Variants in ARHGAP15 observed in about 807,000 individuals in gnomAD.
ARHGAP15 encodes the protein Rho GTPase activating protein 15, also known as rho GTPase-activating protein 15.
Under a neutral mutation model 63.7 loss-of-function variants are expected in ARHGAP15, and 51 were observed. The ratio of observed to expected loss-of-function variants is 0.80; its 90% CI spans 0.64 to 1.01. The LOEUF (loss-of-function observed/expected upper bound fraction) is 1.01. Ranked by LOEUF, ARHGAP15 falls within the 50% of genes least tolerant of loss-of-function variation. ARHGAP15 has a pLI of 0.00. For missense variants in ARHGAP15, 560 were observed against 564.6 expected (o/e 0.99, Z 0.08); for synonymous variants, 191 against 193.8 (o/e 0.99, Z 0.12).
intron 6 of ARHGAP15, among the ~76,000 whole-genome samples, chr2:143,413,971 G>GCGCGCGCGCT (rs147891307): frequency 2.7e-5 from 4 of 147,640 alleles, no homozygotes; most frequent in Non-Finnish European, 6.0e-5. Context: ...GTGTGTGCGC[G>GCGCGCGCGCT]CTCTCTGGCA....
chr2:143,177,990 T>A (rs990395562), intron 2 of ARHGAP15, among the ~76,000 whole-genome samples: 3 of 152,232 alleles, frequency 2.0e-5, no homozygotes, highest in Non-Finnish European at 4.4e-5. Context: ...AGCTAAATGT[T>A]GATAGTTGTA....
intron 13 of ARHGAP15, among the ~76,000 whole-genome samples, chr2:143,721,061 C>CAAAAAAA (rs60500194): frequency 0.064 from 4,999 of 78,082 alleles, 588 homozygotes; most frequent in East Asian, 0.25. Context: ...GACTCCGTCT[C>CAAAAAAA]AAAAAAAAAA....
At chr2:143,138,200 G>A (rs1269867500) in intron 1 of ARHGAP15, among the ~76,000 whole-genome samples, 3 of 150,748 alleles carry the variant, frequency 2.0e-5, no homozygotes, top group African/African-American at 7.3e-5. Flanking sequence ...AATTTTGCAT[G>A]CATAATTGCA....
intron 13 of ARHGAP15, chr2:143,766,667 G>A (rs540078289): frequency 4.6e-5 from 7 of 152,240 alleles, no homozygotes; most frequent in Admixed American, 3.3e-4. Context: ...TTGCTGTTGT[G>A]CCTCAGACTG....
At chr2:143,291,075 G>A (rs1296032827) in intron 6 of ARHGAP15, among the ~76,000 whole-genome samples, 1 of 152,102 alleles carries the variant, frequency 6.6e-6, no homozygotes, top group Non-Finnish European at 1.5e-5. Context: ...ACAACAGAAT[G>A]CCCTAAGTAT....
At chr2:143,469,190 C>T (rs999471587) in intron 8 of ARHGAP15, among the ~76,000 whole-genome samples, 6 of 151,904 alleles carry the variant, frequency 3.9e-5, no homozygotes, top group Non-Finnish European at 8.8e-5. Context: ...TGTAGTCGAC[C>T]CATTCACACC....
At chr2:143,705,545 C>T (rs1684290938) in intron 13 of ARHGAP15, among the ~76,000 whole-genome samples, 1 of 152,162 alleles carries the variant, frequency 6.6e-6, no homozygotes, top group African/African-American at 2.4e-5. Flanking sequence ...TAATTCTTTT[C>T]CCTTAGGATC....
chr2:143,282,445 C>A (rs560466755), intron 6 of ARHGAP15, among the ~76,000 whole-genome samples: 7 of 152,204 alleles, frequency 4.6e-5, no homozygotes, highest in Admixed American at 4.6e-4. Context: ...CAAGTCACAT[C>A]TTACATGGGT....
intron 11 of ARHGAP15, among the ~76,000 whole-genome samples, chr2:143,574,490 A>G (rs1696589900): frequency 6.6e-6 from 1 of 151,892 alleles, no homozygotes; most frequent in Non-Finnish European, 1.5e-5. Flanking sequence ...AATAATAATA[A>G]AATTAAAAAA....
At chr2:143,405,318 C>A (rs1276924834) in intron 6 of ARHGAP15, among the ~76,000 whole-genome samples, 1 of 150,768 alleles carries the variant, frequency 6.6e-6, no homozygotes, top group Non-Finnish European at 1.5e-5. Flanking sequence ...TGTATCGTGG[C>A]CTTAATCAAA....
Position 143,612,775 on chromosome 2 carries a change from A to G in ARHGAP15, c.1004-11358A>G, listed in dbSNP as rs1006425253. On this transcript the variant is annotated intron_variant, in intron 11 of 13. Coordinates refer to ENST00000295095, the MANE Select transcript of ARHGAP15 (RefSeq NM_018460.4). ...GGAGCCAGATTGCCTGGACTCCGCT[A>G]CTAAATACCTGAGTGAACCTGAACA... Among the ~76,000 whole-genome samples, 4 of 152,336 alleles carry G rather than the reference A, an allele frequency of 2.6e-5. No individual in the cohort carries two copies. In the East Asian group the frequency reaches 7.7e-4, roughly 29 times the overall value.
chr2:143,276,881 G>T (rs994991663), intron 6 of ARHGAP15, among the ~76,000 whole-genome samples: 8 of 152,132 alleles, frequency 5.3e-5, no homozygotes, highest in Non-Finnish European at 8.8e-5. Flanking sequence ...TTCTTTGTTT[G>T]GTTTAATTTT....
intron 12 of ARHGAP15, among the ~76,000 whole-genome samples, chr2:143,658,642 T>G (rs567831164): frequency 2.0e-5 from 3 of 152,214 alleles, no homozygotes; most frequent in African/African-American, 7.2e-5. Flanking sequence ...AGGCCCATTT[T>G]TTTTTCTGCT....
intron 6 of ARHGAP15, among the ~76,000 whole-genome samples, chr2:143,328,152 A>T (rs1057501804): frequency 1.3e-5 from 2 of 152,242 alleles, no homozygotes; most frequent in African/African-American, 4.8e-5. Flanking sequence ...GTGGGAGTGT[A>T]AACTAGTTCA....
intron 8 of ARHGAP15, among the ~76,000 whole-genome samples, chr2:143,478,552 A>T (rs1306701854): frequency 6.6e-6 from 1 of 152,142 alleles, no homozygotes; most frequent in Non-Finnish European, 1.5e-5. Flanking sequence ...TCTGCCACTG[A>T]TTTGCTACTT....
chr2:143,211,502 A>G (rs1692562173), intron 3 of ARHGAP15, among the ~76,000 whole-genome samples: 1 of 152,166 alleles, frequency 6.6e-6, no homozygotes, highest in Non-Finnish European at 1.5e-5. Flanking sequence ...AAAAGTTCAG[A>G]GAAAGTATAG....
intron 10 of ARHGAP15, among the ~76,000 whole-genome samples, chr2:143,536,302 C>T (rs971919655): frequency 5.3e-5 from 8 of 152,062 alleles, no homozygotes; most frequent in African/African-American, 9.7e-5. Context: ...TCATGCAATA[C>T]GTATTTTTCT....
chr2:143,590,519 A>G (rs949355803), intron 11 of ARHGAP15, among the ~76,000 whole-genome samples: 8 of 152,156 alleles, frequency 5.3e-5, no homozygotes, highest in African/African-American at 7.2e-5. Flanking sequence ...CCTGTCCTCC[A>G]GGTCACTCCT....
intron 6 of ARHGAP15, among the ~76,000 whole-genome samples, chr2:143,300,276 G>A (rs559794975): frequency 6.6e-6 from 1 of 152,070 alleles, no homozygotes; most frequent in East Asian, 1.9e-4. Flanking sequence ...AAGCTGAACA[G>A]GATGAGACCT....
Sources: allele counts gnomAD v4.1 joint callset (sites outside exome capture counted in the v4.1 genomes callset), GRCh38; gene constraint gnomAD v4.1.1; transcripts MANE v1.5; gene names NCBI Gene and HGNC (gene_info 2026-07-23, HGNC 2026-07-21).